ST6GALNAC4: variants seen among roughly 807,000 people sequenced by gnomAD.
ST6GALNAC4 encodes the protein alpha-N-acetyl-neuraminyl-2,3-beta-galactosyl-1,3-N-acetyl-galactosaminide alpha-2,6-sialyltransferase.
A neutral mutation model predicts 30.4 loss-of-function variants in ST6GALNAC4; 24 were observed. The observed-to-expected ratio is 0.79, with a 90% CI of 0.57 to 1.11. ST6GALNAC4 has a LOEUF of 1.11. ST6GALNAC4 is among the 50% of genes most tolerant of loss of function. The pLI is 0.00. For missense variants in ST6GALNAC4, 365 were observed against 430.1 expected (o/e 0.85, Z 1.34); for synonymous variants, 156 against 179.7 (o/e 0.87, Z 1.05).
rs755023922 is a variant in ST6GALNAC4 at position 127,910,008 on chromosome 9, G to A, written c.662C>T (p.Ala221Val). The A allele has an allele frequency of 1.1e-5, 18 of 1,613,368 alleles. No homozygotes were observed. The highest frequency in any genetic ancestry group is 8.9e-5 in the East Asian group (4 of 44,900). The change falls in exon 5 of 6, where the codon GCG (alanine) becomes GTG (valine). Residue 221 changes from alanine to valine, a missense_variant. Coordinates refer to ENST00000335791, the MANE Select transcript of ST6GALNAC4 (RefSeq NM_175039.4). ...CACGATCTCCTCACACAGCTCCAGC[G>A]CGAGGATCATGGTGAACCAGCCGGT... ...LSTGWFTMILALELCEEIVVY... is the reference protein window; with the variant it reads ...LSTGWFTMILVLELCEEIVVY...
chr9:127,910,975 C>A (rs1309453050), intron 4 of ST6GALNAC4, among the ~76,000 whole-genome samples: 3 of 152,074 alleles, frequency 2.0e-5, no homozygotes, highest in Non-Finnish European at 2.9e-5. Context: ...GTGGTCAGGG[C>A]GGGCTTCCCT....
intron 5 of ST6GALNAC4, 36 bp downstream of exon 5, chr9:127,909,915 C>T (rs1214375101): frequency 1.3e-6 from 2 of 1,586,604 alleles, no homozygotes; most frequent in Admixed American, 1.7e-5. Flanking sequence ...CACAGTCCTC[C>T]CCGCGTCCCC....
At chr9:127,908,617 A>T in intron 5 of ST6GALNAC4, 36 bp from the exon 6 acceptor site, 1 of 1,509,204 alleles carries the variant, frequency 6.6e-7, no homozygotes, top group Non-Finnish European at 8.9e-7. Context: ...GTGGGACAGA[A>T]CCCACTCGCC....
intron 5 of ST6GALNAC4, among the ~76,000 whole-genome samples, chr9:127,909,351 T>G (rs905606797): frequency 6.7e-6 from 1 of 149,208 alleles, no homozygotes; most frequent in South Asian, 2.1e-4. Context: ...ATCGCGCCAC[T>G]GCACTCCAGC....
At chr9:127,915,549 G>T (rs1831177547) in intron 2 of ST6GALNAC4, among the ~76,000 whole-genome samples, 1 of 152,268 alleles carries the variant, frequency 6.6e-6, no homozygotes, top group African/African-American at 2.4e-5. Flanking sequence ...ACCGCCTCCA[G>T]AAACCATGTG....
chr9:127,914,756 C>A lies in ST6GALNAC4; in HGVS notation c.98G>T (p.Cys33Phe). The A allele has an allele frequency of 6.2e-7, 1 of 1,607,048 alleles. No homozygotes were observed. The highest frequency in any genetic ancestry group is 1.7e-4 in the Middle Eastern group (1 of 6,018). ...LLCCWAGLPL[C>F]LATCLDHHFP... ...GTGGTGGTCCAGGCAGGTGGCCAGG[C>A]AGAGGGGCAGGCCGGCCCAGCAGCA... Residue 33 changes from cysteine to phenylalanine, a missense_variant, in exon 3 of 6, where the codon TGC (cysteine) becomes TTC (phenylalanine). Coordinates refer to ENST00000335791, the MANE Select transcript of ST6GALNAC4 (RefSeq NM_175039.4).
Position 127,914,696 on chromosome 9 carries a change from G to C in ST6GALNAC4, c.158C>G (p.Pro53Arg). Residue 53 changes from proline to arginine, a missense_variant, in exon 3 of 6, where the codon CCC becomes CGC. Coordinates refer to ENST00000335791, the MANE Select transcript of ST6GALNAC4 (RefSeq NM_175039.4). ...ACTGCTATATCCACTGAAGTGCAGG[G>C]GTCCCGGCACAGTGGGCCTGGAGCC... ...PTGSRPTVPG[P>R]LHFSGYSSVP... The C allele has an allele frequency of 6.2e-7, 1 of 1,612,950 alleles. No individual in the cohort carries two copies. Among genetic ancestry groups the C allele is most frequent in the Non-Finnish European group, 8.5e-7 (1 of 1,179,466 alleles).
At chr9:127,914,914 G>T in intron 2 of ST6GALNAC4, 73 bp from the exon 3 acceptor site, 1 of 1,346,016 alleles carries the variant, frequency 7.4e-7, no homozygotes. Flanking sequence ...CGCTGCACCT[G>T]GCCTCCTGGG....
At chr9:127,913,821 G>A (rs1036306090) in intron 3 of ST6GALNAC4, among the ~76,000 whole-genome samples, 17 of 152,072 alleles carry the variant, frequency 1.1e-4, no homozygotes, top group African/African-American at 4.1e-4. Context: ...GCTAGGGCAG[G>A]CACATGGACG....
chr9:127,914,535 A>T, intron 3 of ST6GALNAC4, 121 bp downstream of exon 3: 5 of 232,660 alleles, frequency 2.1e-5, no homozygotes, highest in South Asian at 2.0e-4. Context: ...TAGGGCTCAG[A>T]GAGGTGATGT....
chr9:127,914,610 C>G (rs140320826), intron 3 of ST6GALNAC4, 46 bp downstream of exon 3: 20,997 of 1,524,372 alleles, frequency 0.014, 183 homozygotes, highest in Middle Eastern at 0.034. Flanking sequence ...TTGGGACAAG[C>G]CCAGCTCTCA....
Position 127,910,049 on chromosome 9 carries a change from C to G in ST6GALNAC4, c.621G>C (p.Ser207=), listed in dbSNP as rs767331521. The part of the protein sequence containing the change: ...QDETGKNRRQ[S]GSFLSTGWFT... ...ACCAGCCGGTGCTGAGGAAGGAGCC[C>G]GACTGCCTCCTGGGGGTGGCGGGGG... The change falls in exon 5 of 6, where the codon TCG becomes TCC. Residue 207 remains serine (S), a synonymous_variant. Transcript: ENST00000335791. 31 of 1,613,260 alleles carry G rather than the reference C, an allele frequency of 1.9e-5. No individual in the cohort carries two copies. Among genetic ancestry groups the G allele is most frequent in the South Asian group, 1.9e-4 (17 of 91,064 alleles).
In ST6GALNAC4 at chr9:127,914,857, G is replaced by A; in HGVS notation, c.13-16C>T. On this transcript the variant is annotated splice_polypyrimidine_tract_variant and intron_variant, in intron 2 of 5. Coordinates refer to ENST00000335791, the MANE Select transcript of ST6GALNAC4 (RefSeq NM_175039.4). The stretch of plus-strand genomic sequence containing the variant: ...CGAGCCGACCCTGAGGGAGACAGTG[G>A]CCATGGGGGGGTGTATGTGGGGAGG... 2 of 1,460,332 alleles carry A rather than the reference G, an allele frequency of 1.4e-6. No individual in the cohort carries two copies. The highest frequency in any genetic ancestry group is 1.4e-5 in the South Asian group (1 of 69,930). 90.5% of individuals were successfully genotyped at this position (1,460,332 alleles called of 1,614,324 possible).
chr9:127,916,232 G>T, intron 2 of ST6GALNAC4, 176 bp downstream of exon 2: 1 of 788,858 alleles, frequency 1.3e-6, no homozygotes, highest in Non-Finnish European at 2.1e-6. Context: ...GATGCCACCT[G>T]CCTGGGGCCA....
In ST6GALNAC4 at chr9:127,909,933, C is replaced by T. The variant is rs772264740; in HGVS notation, c.719+18G>A. On this transcript the variant is annotated intron_variant, in intron 5 of 5. Coordinates refer to ENST00000335791, the MANE Select transcript of ST6GALNAC4 (RefSeq NM_175039.4). ...AGTCCTCCCCGCGTCCCCGCGTGCC[C>T]GGCCTGGCCGGTCTGACCTGCAGTA... 1.8e-5 allele frequency: 29 copies of T among 1,611,638 alleles called. No homozygotes were observed. The highest frequency in any genetic ancestry group is 1.2e-4 in the Admixed American group (7 of 59,870).
chr9:127,909,865 C>T, intron 5 of ST6GALNAC4, 86 bp downstream of exon 5: 1 of 1,338,206 alleles, frequency 7.5e-7, no homozygotes, highest in South Asian at 1.3e-5. Flanking sequence ...CCTCTGCCCC[C>T]ACAGCTCCCA....
Position 127,908,262 on chromosome 9 carries a change from A to C in ST6GALNAC4, c.*130T>G. ...TGTCGCCAGAATGGGGCGGGAAGGA[A>C]CCTTAGGTCCACCCAGCACGTGGCA... On this transcript the variant is annotated 3_prime_UTR_variant, in exon 6 of 6. Transcript: ENST00000335791. 1 of 887,934 alleles carries C rather than the reference A, an allele frequency of 1.1e-6. No individual in the cohort carries two copies. The highest frequency in any genetic ancestry group is 3.2e-5 in the Admixed American group (1 of 31,024). 55.0% of individuals were successfully genotyped at this position (887,934 alleles called of 1,614,324 possible).
intron 4 of ST6GALNAC4, 30 bp downstream of exon 4, chr9:127,912,238 G>T: frequency 6.3e-7 from 1 of 1,580,040 alleles, no homozygotes; most frequent in South Asian, 1.2e-5. Flanking sequence ...AGCTGCCAGA[G>T]AGACCCCAGC....
chr9:127,911,185 G>A (rs985642466), intron 4 of ST6GALNAC4, among the ~76,000 whole-genome samples: 8 of 152,184 alleles, frequency 5.3e-5, no homozygotes, highest in African/African-American at 1.7e-4. Flanking sequence ...GCAGGATCAC[G>A]CAGGGCAGGC....
Sources: allele counts gnomAD v4.1 joint callset (sites outside exome capture counted in the v4.1 genomes callset), GRCh38; gene constraint gnomAD v4.1.1; transcripts MANE v1.5; gene names NCBI Gene and HGNC (gene_info 2026-07-23, HGNC 2026-07-21).